NRROS: variants seen among roughly 807,000 people sequenced by gnomAD.
NRROS encodes transforming growth factor beta activator LRRC33.
NRROS carries 6 observed loss-of-function variants against 12.0 expected under a neutral mutation model. The observed-to-expected ratio is 0.50, with a 90% confidence interval of 0.27 to 0.98. The LOEUF is 0.98. Ranked by LOEUF, NRROS falls within the 50% of genes least tolerant of loss-of-function variation. The probability of loss-of-function intolerance (pLI) is 0.11; values close to 1 mark genes in which losing one functional copy is unlikely to be tolerated. For synonymous variants in NRROS, 462 were observed against 410.2 expected (o/e 1.13, Z -1.53); for missense variants, 857 against 888.2 (o/e 0.96, Z 0.45).
At chr3:196,651,232 T>C (rs961868928) in intron 1 of NRROS, among the ~76,000 whole-genome samples, 1 of 152,208 alleles carries the variant, frequency 6.6e-6, no homozygotes, top group Non-Finnish European at 1.5e-5. Context: ...AAGCCTTTTA[T>C]TTCTTTACAG....
chr3:196,659,296 CTTTTTTTTTTTTTT>C (rs35305090), intron 2 of NRROS, among the ~76,000 whole-genome samples: 1 of 81,410 alleles, frequency 1.2e-5, no homozygotes, highest in East Asian at 4.6e-4. Context: ...CTCTCAAGTC[CTTTTTTTTTTTTTT>C]TTTTTTTTGA....
intron 2 of NRROS, among the ~76,000 whole-genome samples, chr3:196,659,296 C>CTTTT (rs35305090): frequency 9.8e-5 from 8 of 81,440 alleles, no homozygotes; most frequent in Non-Finnish European, 1.8e-4. Flanking sequence ...CTCTCAAGTC[C>CTTTT]TTTTTTTTTT....
At chr3:196,655,526 C>T (rs1737518833) in intron 2 of NRROS, among the ~76,000 whole-genome samples, 1 of 152,154 alleles carries the variant, frequency 6.6e-6, no homozygotes, top group South Asian at 2.1e-4. Context: ...CAGAGTGAGA[C>T]TCTCTCAAAA....
Position 196,660,092 on chromosome 3 carries a change from C to A in NRROS, c.449C>A (p.Ala150Asp), listed in dbSNP as rs778535699. Reference protein sequence around the residue: ...SGNALTEDMAALMLQNLSSLR... With the variant: ...SGNALTEDMADLMLQNLSSLR... Reference sequence around the variant, plus strand: ...AACGCCCTGACGGAGGACATGGCAGCCCTCATGCTCCAGAACCTCTCCTCG... The same window carrying A: ...AACGCCCTGACGGAGGACATGGCAGACCTCATGCTCCAGAACCTCTCCTCG... Residue 150 changes from alanine to aspartate, a missense_variant, in exon 3 of 3, where the codon GCC (alanine) becomes GAC (aspartate). Transcript: ENST00000328557. The surrounding 1 kb of genome is among the most constrained non-coding windows in gnomAD (Gnocchi z 7.7). 20 of 1,613,158 alleles carry A rather than the reference C, an allele frequency of 1.2e-5. No individual in the cohort carries two copies. The East Asian group carries it at 4.5e-4, about 36-fold the overall frequency.
chr3:196,641,762 G>A (rs1349593927), intron 1 of NRROS, among the ~76,000 whole-genome samples: 1 of 152,168 alleles, frequency 6.6e-6, no homozygotes, highest in African/African-American at 2.4e-5. Context: ...TCTGGCTGCG[G>A]TGTGCGTCCA....
At chr3:196,646,015 G>A (rs1332943414) in intron 1 of NRROS, among the ~76,000 whole-genome samples, 3 of 152,254 alleles carry the variant, frequency 2.0e-5, no homozygotes, top group African/African-American at 7.2e-5. Flanking sequence ...GTGTCCTCCT[G>A]CAGGCCTTGG....
chr3:196,654,599 G>A lies in NRROS; in HGVS notation c.60G>A (p.Arg20=). The A allele has an allele frequency of 6.2e-7, 1 of 1,614,110 alleles. No individual in the cohort carries two copies. ...TTCACTTCCTGACCGTGGGCTGGAG[G>A]AACAGAAGCGGAACAGCCACAGCAG... ...LGFHFLTVGW[R]NRSGTATAAS... Residue 20 remains arginine (R), a synonymous_variant, in exon 2 of 3, where the codon AGG becomes AGA. Coordinates refer to ENST00000328557, the MANE Select transcript of NRROS (RefSeq NM_198565.3). This position sits in a 1 kb window ranked among gnomAD's most constrained non-coding sequence, Gnocchi z 4.4.
chr3:196,646,844 G>C (rs1437659690), intron 1 of NRROS, among the ~76,000 whole-genome samples: 2 of 152,216 alleles, frequency 1.3e-5, no homozygotes, highest in African/African-American at 4.8e-5. Flanking sequence ...AGTTGAACCA[G>C]TGCTGGGAAC....
chr3:196,660,941 T>G lies in NRROS; in HGVS notation c.1298T>G (p.Met433Arg). The change falls in exon 3 of 3, where the codon ATG (methionine) becomes AGG (arginine). Residue 433 changes from methionine (M) to arginine (R), a missense_variant. Met to Arg is a moderately conservative substitution (Grantham distance 91, BLOSUM62 -1). Transcript: ENST00000328557. This position sits in a 1 kb window ranked among gnomAD's most constrained non-coding sequence, Gnocchi z 7.7. The part of the protein sequence containing the change: ...ANARNITTLD[M>R]SHNQISLCPL... Reference sequence around the variant, plus strand: ...GCTAGGAACATCACTACACTTGACATGAGCCACAATCAGATCTCACTTTGT... The same window carrying G: ...GCTAGGAACATCACTACACTTGACAGGAGCCACAATCAGATCTCACTTTGT... 1.2e-6 allele frequency: 2 copies of G among 1,614,210 alleles called. No individual in the cohort carries two copies. The highest frequency in any genetic ancestry group is 1.7e-6 in the Non-Finnish European group (2 of 1,180,044).
rs1246585182 is a variant in NRROS at position 196,660,651 on chromosome 3, C to T, written c.1008C>T (p.Ser336=). The change falls in exon 3 of 3, where the codon AGC becomes AGT. Residue 336 remains serine (S), a synonymous_variant. Coordinates refer to ENST00000328557, the MANE Select transcript of NRROS (RefSeq NM_198565.3). This position sits in a 1 kb window ranked among gnomAD's most constrained non-coding sequence, Gnocchi z 7.7. ...DLADLRFLDM[S]QNQFQYLPDG... ...CAGATCTCCGCTTCCTGGACATGAG[C>T]CAGAACCAGTTCCAGTACCTGCCAG... 2 of 1,614,178 alleles carry T rather than the reference C, an allele frequency of 1.2e-6. No homozygotes were observed. The highest frequency in any genetic ancestry group is 1.7e-6 in the Non-Finnish European group (2 of 1,180,020).
rs767679723 is a variant in NRROS at position 196,660,054 on chromosome 3, G to A, written c.411G>A (p.Leu137=). Residue 137 remains leucine, a synonymous_variant, in exon 3 of 3, where the codon CTG becomes CTA. Coordinates refer to ENST00000328557, the MANE Select transcript of NRROS (RefSeq NM_198565.3). The surrounding 1 kb of genome is among the most constrained non-coding windows in gnomAD (Gnocchi z 7.7). ...ACGCCCTGCCGGGCCTGCGGAGGCT[G>A]GACTTGTCAGGAAACGCCCTGACGG... ...ALHALPGLRR[L]DLSGNALTED... The A allele has an allele frequency of 1.2e-6, 2 of 1,613,348 alleles. No homozygotes were observed. Among genetic ancestry groups the A allele is most frequent in the Admixed American group, 1.7e-5 (1 of 60,002 alleles).
chr3:196,648,219 C>A lies in NRROS; in HGVS notation c.-13-6308C>A, dbSNP rs6807051. ...CAAGAAAGTACAATACTAAATTTAC[C>A]GAGTAGTAATATTTTGCTTTACTGT... is the stretch of plus-strand genomic sequence containing the variant. On this transcript the variant is annotated intron_variant, in intron 1 of 2. Transcript: ENST00000328557. Among the ~76,000 whole-genome samples, 110 of 152,096 alleles carry A rather than the reference C, an allele frequency of 7.2e-4. 1 individual carries two copies. The highest frequency in any genetic ancestry group is 2.4e-3 in the African/African-American group (100 of 41,490).
intron 1 of NRROS, among the ~76,000 whole-genome samples, chr3:196,653,774 T>C (rs1377939187): frequency 6.6e-6 from 1 of 152,192 alleles, no homozygotes; most frequent in Non-Finnish European, 1.5e-5. Context: ...GCATTTCCCT[T>C]ATGGCTCCCC....
At chr3:196,643,889 G>A (rs778745137) in intron 1 of NRROS, among the ~76,000 whole-genome samples, 9 of 151,980 alleles carry the variant, frequency 5.9e-5, no homozygotes, top group Admixed American at 1.3e-4. Context: ...CTCTGTGGTC[G>A]TCAGACACCA....
chr3:196,640,919 C>T (rs932752544), intron 1 of NRROS, among the ~76,000 whole-genome samples: 4 of 152,154 alleles, frequency 2.6e-5, no homozygotes, highest in Non-Finnish European at 5.9e-5. Flanking sequence ...AAACATTCAG[C>T]GTCTGTGGCC....
At chr3:196,645,390 AT>A (rs1282206452) in intron 1 of NRROS, among the ~76,000 whole-genome samples, 2 of 152,188 alleles carry the variant, frequency 1.3e-5, no homozygotes, top group Non-Finnish European at 2.9e-5. Flanking sequence ...CTGGGTTTGA[AT>A]TGTGGCTCTA....
At chr3:196,647,666 C>T (rs933892787) in intron 1 of NRROS, among the ~76,000 whole-genome samples, 1 of 152,186 alleles carries the variant, frequency 6.6e-6, no homozygotes, top group Admixed American at 6.6e-5. Flanking sequence ...TCAAATGACA[C>T]TCTTGGCTCA....
In NRROS at chr3:196,661,760, A is replaced by C; in HGVS notation, c.*38A>C. ...CCAAGACTCGAAATTCGGTCCGCAC[A>C]CAACAGGACACTTTCTCTGCCAGCT... On this transcript the variant is annotated 3_prime_UTR_variant, in exon 3 of 3. Coordinates refer to ENST00000328557, the MANE Select transcript of NRROS (RefSeq NM_198565.3). 6.7e-7 allele frequency: 1 copy of C among 1,502,986 alleles called. No homozygotes were observed. Among genetic ancestry groups the C allele is most frequent in the East Asian group, 2.3e-5 (1 of 43,774 alleles). 93.1% of individuals were successfully genotyped at this position (1,502,986 alleles called of 1,614,324 possible).
At chr3:196,641,059 G>A (rs7636493) in intron 1 of NRROS, among the ~76,000 whole-genome samples, 21,132 of 151,938 alleles carry the variant, frequency 0.14, 1,679 homozygotes, top group Non-Finnish European at 0.18. Context: ...TTAGGTTTGT[G>A]TGTGTGTGCC....
Sources: gnomAD v4.1 joint callset for allele counts (sites outside exome capture counted in the v4.1 genomes callset) on GRCh38, gnomAD v4.1.1 for gene constraint, Gnocchi (gnomAD v3.1) non-coding constraint, MANE v1.5 for transcripts, NCBI Gene and HGNC (gene_info 2026-07-23, HGNC 2026-07-21) for gene names.